The following FAM124B variants were observed in gnomAD, a reference collection of about 807,000 sequenced individuals.
FAM124B encodes protein FAM124B.
Under a neutral mutation model 19.7 loss-of-function variants are expected in FAM124B, and 18 were observed. The observed-to-expected ratio is 0.92, with a 90% CI of 0.63 to 1.36. The LOEUF (loss-of-function observed/expected upper bound fraction) is 1.36. Ranked by LOEUF, FAM124B falls within the 40% of genes most tolerant of loss-of-function variation. The probability of loss-of-function intolerance (pLI) is 0.00; values close to 1 mark genes in which losing one functional copy is unlikely to be tolerated. For synonymous variants in FAM124B, 223 were observed against 225.2 expected (o/e 0.99, Z 0.09); for missense variants, 540 against 553.3 (o/e 0.98, Z 0.24).
At chr2:224,390,165 G>T (rs1184435014) in intron 1 of FAM124B, among the ~76,000 whole-genome samples, 1 of 118,066 alleles carries the variant, frequency 8.5e-6, no homozygotes, top group African/African-American at 3.7e-5. Context: ...ACACAGAAAA[G>T]GAATAGTCAG....
At chr2:224,384,461 C>T (rs1689771228) in intron 1 of FAM124B, among the ~76,000 whole-genome samples, 1 of 152,240 alleles carries the variant, frequency 6.6e-6, no homozygotes, top group Non-Finnish European at 1.5e-5. Flanking sequence ...CACCTTTCAT[C>T]CATCTACCTG....
At chr2:224,400,228 T>G (rs540923306) in intron 1 of FAM124B, 9 of 419,786 alleles carry the variant, frequency 2.1e-5, no homozygotes, top group Admixed American at 3.9e-5. Context: ...CTGCACTTTG[T>G]GCACATGTAC....
Position 224,401,456 on chromosome 2 carries a change from T to G in FAM124B, c.313A>C (p.Arg105=), listed in dbSNP as rs569274440. The change falls in exon 1 of 2, where the codon AGG becomes CGG. Residue 105 remains arginine (R), a synonymous_variant. Transcript: ENST00000409685. ...QCYPTQDTRG[R]LCPYFFANQE... is the part of the protein sequence containing the mutation. ...TTGGCAAAAAAGTAGGGACACAGCC[T>G]TCCCCGAGTGTCCTGGGTGGGGTAG... The G allele has an allele frequency of 1.9e-5, 31 of 1,614,050 alleles. No homozygotes were observed. In the South Asian group the frequency reaches 3.3e-4, roughly 17 times the overall value.
chr2:224,384,539 T>C, intron 1 of FAM124B, among the ~76,000 whole-genome samples: 1 of 152,220 alleles, frequency 6.6e-6, no homozygotes, highest in East Asian at 1.9e-4. Flanking sequence ...GGGTGCCCCA[T>C]GATGGCGTGG....
chr2:224,387,836 T>C (rs1689823288), intron 1 of FAM124B, among the ~76,000 whole-genome samples: 1 of 152,128 alleles, frequency 6.6e-6, no homozygotes, highest in Admixed American at 6.5e-5. Context: ...CCTCAAGAAA[T>C]GCTAGAGAAG....
At chr2:224,394,556 C>T (rs942433522) in intron 1 of FAM124B, among the ~76,000 whole-genome samples, 4 of 152,182 alleles carry the variant, frequency 2.6e-5, no homozygotes, top group African/African-American at 9.7e-5. Flanking sequence ...CCCCTTCCAA[C>T]CTGTCCTATT....
Position 224,401,318 on chromosome 2 carries a change from C to T in FAM124B, c.451G>A (p.Asp151Asn). The part of the protein sequence containing the change: ...TLYCSFDNYE[D>N]AIRLYEMILQ... Reference sequence around the variant, plus strand: ...ATCATCTCGTAGAGTCTGATGGCGTCTTCATAGTTATCAAAACTGCAGTAC... The same window carrying T: ...ATCATCTCGTAGAGTCTGATGGCGTTTTCATAGTTATCAAAACTGCAGTAC... Residue 151 changes from aspartate (D) to asparagine (N), a missense_variant, in exon 1 of 2, where the codon GAC becomes AAC. Physicochemically the swap from Asp to Asn is conservative, Grantham distance 23. Transcript: ENST00000409685. The T allele has an allele frequency of 6.2e-7, 1 of 1,614,012 alleles. No homozygotes were observed. Among genetic ancestry groups the T allele is most frequent in the Non-Finnish European group, 8.5e-7 (1 of 1,180,000 alleles).
chr2:224,391,881 A>C (rs1484042700), intron 1 of FAM124B, among the ~76,000 whole-genome samples: 1 of 152,194 alleles, frequency 6.6e-6, no homozygotes, highest in Non-Finnish European at 1.5e-5. Flanking sequence ...ATATAATATC[A>C]TATTATTAGA....
chr2:224,394,665 A>G (rs1295587064), intron 1 of FAM124B, among the ~76,000 whole-genome samples: 1 of 152,166 alleles, frequency 6.6e-6, no homozygotes, highest in Non-Finnish European at 1.5e-5. Flanking sequence ...TTCAAATCCC[A>G]TTTTGTGTCC....
Position 224,401,679 on chromosome 2 carries a change from CT to C in FAM124B, c.89del (p.Gln30ArgfsTer22). 1 of 1,614,220 alleles carries C rather than the reference CT, an allele frequency of 6.2e-7. No homozygotes were observed. The highest frequency in any genetic ancestry group is 8.5e-7 in the Non-Finnish European group (1 of 1,180,034). On this transcript the variant is annotated frameshift_variant, in exon 1 of 2. Transcript: ENST00000409685. LOFTEE classifies it high-confidence loss of function. ...CCTCTGGGCAAATGCAATCCAGGAG[CT>C]GGTCCAGAGTCCTCTGCAGAAGGGA... ...HGSLLQRTLDQLLDCICPEVR... is the reference protein window; with the variant it reads ...HGSLLQRTLDXLLDCICPEVR...
rs2106074259 is a variant in FAM124B at position 224,379,772 on chromosome 2, T to A, written c.1169A>T (p.Gln390Leu). Residue 390 changes from glutamine (Q) to leucine (L), a missense_variant, in exon 2 of 2, where the codon CAG becomes CTG. Coordinates refer to ENST00000409685, the MANE Select transcript of FAM124B (RefSeq NM_001122779.2). ...AGAGGCTGGCAAGCAGAATGGTGGC[T>A]GGCTGGTCTGTAAATCCCTTGGAAA... is the stretch of plus-strand genomic sequence containing the variant. ...GGFPRDLQTSQPPFCLPASSL... is the reference protein window; with the variant it reads ...GGFPRDLQTSLPPFCLPASSL... The A allele has an allele frequency of 6.4e-7, 1 of 1,551,688 alleles. No individual in the cohort carries two copies. Among genetic ancestry groups the A allele is most frequent in the East Asian group, 2.4e-5 (1 of 40,926 alleles).
At chr2:224,395,813 T>G (rs988124541) in intron 1 of FAM124B, among the ~76,000 whole-genome samples, 6 of 152,198 alleles carry the variant, frequency 3.9e-5, no homozygotes, top group Admixed American at 6.5e-5. Flanking sequence ...GGAAAACGCA[T>G]TGCTCACTGG....
At chr2:224,387,297 T>C (rs1357412208) in intron 1 of FAM124B, among the ~76,000 whole-genome samples, 2 of 152,232 alleles carry the variant, frequency 1.3e-5, no homozygotes, top group Non-Finnish European at 2.9e-5. Context: ...TGGTCACTCA[T>C]TTATAACTCT....
At chr2:224,387,520 C>T (rs1395432707) in intron 1 of FAM124B, among the ~76,000 whole-genome samples, 1 of 152,176 alleles carries the variant, frequency 6.6e-6, no homozygotes, top group Non-Finnish European at 1.5e-5. Flanking sequence ...GTGCCAGGCT[C>T]ACTTAAGAGT....
At chr2:224,388,046 C>T (rs1469868902) in intron 1 of FAM124B, among the ~76,000 whole-genome samples, 1 of 152,148 alleles carries the variant, frequency 6.6e-6, no homozygotes, top group African/African-American at 2.4e-5. Context: ...AGTCAATCAA[C>T]AAGTATTTCA....
At chr2:224,396,603 C>A (rs1251468762) in intron 1 of FAM124B, among the ~76,000 whole-genome samples, 2 of 152,218 alleles carry the variant, frequency 1.3e-5, no homozygotes, top group Non-Finnish European at 1.5e-5. Flanking sequence ...CCGCCCTGAT[C>A]TTCTCTGGAG....
intron 1 of FAM124B, among the ~76,000 whole-genome samples, chr2:224,388,031 T>C (rs1252578469): frequency 6.6e-6 from 1 of 152,180 alleles, no homozygotes; most frequent in Non-Finnish European, 1.5e-5. Context: ...TGAAAACAGG[T>C]AGTCAGTCAA....
intron 1 of FAM124B, among the ~76,000 whole-genome samples, chr2:224,384,557 C>T (rs16865930): frequency 0.099 from 15,027 of 152,202 alleles, 994 homozygotes; most frequent in East Asian, 0.24. Flanking sequence ...TGGTTTCCGG[C>T]CTCTCCCAGG....
chr2:224,398,762 G>A (rs1286955261), intron 1 of FAM124B, among the ~76,000 whole-genome samples: 2 of 152,156 alleles, frequency 1.3e-5, no homozygotes, highest in East Asian at 3.9e-4. Context: ...GGTCACTTGA[G>A]GCCAGATGTT....
Sources: gnomAD v4.1 joint callset for allele counts (sites outside exome capture counted in the v4.1 genomes callset) on GRCh38, gnomAD v4.1.1 for gene constraint, MANE v1.5 for transcripts, NCBI Gene and HGNC (gene_info 2026-07-23, HGNC 2026-07-21) for gene names.